FBXL13: variants seen among roughly 807,000 people sequenced by gnomAD.
The protein encoded by FBXL13 is F-box and leucine rich repeat protein 13, also known as F-box and leucine-rich repeat protein 13.
Under a neutral mutation model 83.6 loss-of-function variants are expected in FBXL13, and 67 were observed. The observed-to-expected ratio is 0.80, with a 90% confidence interval of 0.66 to 0.98. The LOEUF (loss-of-function observed/expected upper bound fraction) is 0.98. Ranked by LOEUF, FBXL13 falls within the 50% of genes least tolerant of loss-of-function variation. The probability of loss-of-function intolerance (pLI) is 0.00; values close to 1 mark genes in which losing one functional copy is unlikely to be tolerated. For synonymous variants in FBXL13, 272 were observed against 299.5 expected (o/e 0.91, Z 0.95); for missense variants, 822 against 866.5 (o/e 0.95, Z 0.64).
rs78531890 is a variant in FBXL13, at chr7:102,951,138, G to C, written c.724+12395C>G. On this transcript the variant is annotated intron_variant, in intron 8 of 19. Coordinates refer to ENST00000313221, the Ensembl canonical transcript of FBXL13. ...TATATAGGAAATCTCTATACCTTCTGCTCAATTTTGCGAGAACCTGAAATT... is the reference window on the plus strand; with the variant it reads ...TATATAGGAAATCTCTATACCTTCTCCTCAATTTTGCGAGAACCTGAAATT... 3.7e-3 allele frequency among the ~76,000 whole-genome samples: 569 copies of C among 152,154 alleles called. 5 individuals carry two copies. Among genetic ancestry groups the C allele is most frequent in the African/African-American group, 0.014 (562 of 41,504 alleles).
chr7:102,979,200 A>C (rs1827882207), intron 6 of FBXL13, among the ~76,000 whole-genome samples: 1 of 152,182 alleles, frequency 6.6e-6, no homozygotes, highest in Admixed American at 6.5e-5. Context: ...AAATGGTCAC[A>C]GCCTGGATTA....
At chr7:102,957,508 T>C (rs922417483) in intron 8 of FBXL13, among the ~76,000 whole-genome samples, 1 of 151,986 alleles carries the variant, frequency 6.6e-6, no homozygotes, top group Non-Finnish European at 1.5e-5. Context: ...CCAAAAGCAA[T>C]GGCAACAAAA....
In FBXL13 at chr7:102,822,212, A is replaced by C; in HGVS notation, c.1855-9T>G. The C allele has an allele frequency of 6.2e-7, 1 of 1,613,796 alleles. No homozygotes were observed. The highest frequency in any genetic ancestry group is 8.5e-7 in the Non-Finnish European group (1 of 1,179,812). On this transcript the variant is annotated splice_polypyrimidine_tract_variant and intron_variant, in intron 18 of 19. Coordinates refer to ENST00000313221, the Ensembl canonical transcript of FBXL13. ...ATTGCTGAGTCAGTAATCTGAACAC[A>C]GAGCCAAAGTAAGTACTGGTTATTC...
At chr7:103,002,679 A>G (rs1242664954) in intron 6 of FBXL13, among the ~76,000 whole-genome samples, 2 of 152,350 alleles carry the variant, frequency 1.3e-5, no homozygotes, top group African/African-American at 4.8e-5. Context: ...TGTTGAATGT[A>G]GTATTCTCAT....
intron 8 of FBXL13, among the ~76,000 whole-genome samples, chr7:102,955,321 A>C (rs563197159): frequency 2.6e-5 from 4 of 152,182 alleles, no homozygotes; most frequent in Non-Finnish European, 4.4e-5. Context: ...GAAGGCAGAA[A>C]TAAACATGTT....
intron 8 of FBXL13, among the ~76,000 whole-genome samples, chr7:102,963,331 A>T (rs1040005845): frequency 2.0e-5 from 3 of 151,956 alleles, no homozygotes; most frequent in Non-Finnish European, 2.9e-5. Context: ...AAAAAAAAAA[A>T]AGAATAGACA....
rs1010751358 is a variant in FBXL13, at chr7:102,831,692, AT to A, written c.1854+1147del. ...GCTTGAAGATTGTGGTGTAAATCAG[AT>A]TTTTTTTTCCAGCTTTCTCTACTGT... is the stretch of plus-strand genomic sequence containing the variant. On this transcript the variant is annotated intron_variant, in intron 18 of 19. Coordinates refer to ENST00000313221, the Ensembl canonical transcript of FBXL13. 4.9e-4 allele frequency among the ~76,000 whole-genome samples: 74 copies of A among 151,694 alleles called. 1 individual carries two copies. The highest frequency in any genetic ancestry group is 1.1e-3 in the African/African-American group (45 of 41,372).
At chr7:103,049,110 C>G (rs1430784970) in intron 2 of FBXL13, among the ~76,000 whole-genome samples, 3 of 151,960 alleles carry the variant, frequency 2.0e-5, no homozygotes, top group Non-Finnish European at 4.4e-5. Context: ...AGTCATTTTA[C>G]TTTAGGACAA....
intron 6 of FBXL13, among the ~76,000 whole-genome samples, chr7:102,985,336 C>T (rs915742473): frequency 6.6e-6 from 1 of 152,238 alleles, no homozygotes; most frequent in African/African-American, 2.4e-5. Context: ...CCAGAACCCA[C>T]ACCACCCTGG....
intron 1 of FBXL13, among the ~76,000 whole-genome samples, chr7:103,060,018 TTTTATA>T (rs1264728132): frequency 2.7e-4 from 16 of 58,354 alleles, no homozygotes; most frequent in African/African-American, 6.7e-4. Context: ...TAGCAAGATA[TTTTATA>T]TATATATATA....
intron 18 of FBXL13, among the ~76,000 whole-genome samples, chr7:102,825,928 C>T (rs995610957): frequency 5.3e-5 from 8 of 152,110 alleles, no homozygotes; most frequent in African/African-American, 1.7e-4. Flanking sequence ...AATGGTTACC[C>T]GAGATTGCCA....
At chr7:102,946,121 A>G (rs928503722) in intron 8 of FBXL13, among the ~76,000 whole-genome samples, 2 of 152,154 alleles carry the variant, frequency 1.3e-5, no homozygotes, top group Admixed American at 1.3e-4. Flanking sequence ...ACTTCAAGTG[A>G]TCCACCCACC....
chr7:103,045,359 G>A (rs1278531927), intron 2 of FBXL13, among the ~76,000 whole-genome samples: 2 of 152,140 alleles, frequency 1.3e-5, no homozygotes, highest in Non-Finnish European at 2.9e-5. Flanking sequence ...ATAGAAACAG[G>A]GAATCCTTCT....
At chr7:102,814,595 A>G (rs1797740612) in intron 19 of FBXL13, among the ~76,000 whole-genome samples, 1 of 152,244 alleles carries the variant, frequency 6.6e-6, no homozygotes, top group African/African-American at 2.4e-5. Flanking sequence ...CTCTAAGCAC[A>G]TTGCTTTTTA....
At chr7:102,848,585 AAAAAAAAAAAAAAAAAAT>A in intron 17 of FBXL13, among the ~76,000 whole-genome samples, 1 of 44,476 alleles carries the variant, frequency 2.2e-5, no homozygotes, top group Non-Finnish European at 3.7e-5. Flanking sequence ...AAAAAAAAAA[AAAAAAAAAAAAAAAAAAT>A]ACACATTCGT....
intron 8 of FBXL13, among the ~76,000 whole-genome samples, chr7:102,950,633 A>G (rs1351075704): frequency 6.6e-6 from 1 of 152,220 alleles, no homozygotes; most frequent in Non-Finnish European, 1.5e-5. Context: ...AGGTGAATTA[A>G]TAAACTGTGG....
chr7:103,059,579 C>G (rs552586043), intron 1 of FBXL13, among the ~76,000 whole-genome samples: 1 of 152,264 alleles, frequency 6.6e-6, no homozygotes, highest in South Asian at 2.1e-4. Flanking sequence ...CTTACACAAT[C>G]AAGGACAAAA....
intron 9 of FBXL13, among the ~76,000 whole-genome samples, chr7:102,929,663 C>CAAAA (rs35025022): frequency 3.3e-5 from 3 of 91,418 alleles, no homozygotes; most frequent in Admixed American, 1.4e-4. Flanking sequence ...GACTCCATCT[C>CAAAA]AAAAAAAAAA....
chr7:102,926,510 A>G lies in FBXL13; in HGVS notation c.778-136T>C, dbSNP rs74575783. 1.1e-3 allele frequency: 722 copies of G among 629,376 alleles called. 5 individuals are homozygous for G. In the African/African-American group the frequency reaches 0.013, roughly 11 times the overall value. The allele number at this position is 629,376 out of a possible 1,614,324, so 39.0% of individuals were successfully genotyped here. On this transcript the variant is annotated intron_variant, in intron 9 of 19. Coordinates refer to ENST00000313221, the Ensembl canonical transcript of FBXL13. ...GTTGGTTTCTTCATATTCTTTATCTACTATTAGGTTGAAATGAAATTAAAT... is the reference window on the plus strand; with the variant it reads ...GTTGGTTTCTTCATATTCTTTATCTGCTATTAGGTTGAAATGAAATTAAAT...
Sources: gnomAD v4.1 joint callset for allele counts (sites outside exome capture counted in the v4.1 genomes callset) on GRCh38, gnomAD v4.1.1 for gene constraint, MANE v1.5 for transcripts, NCBI Gene and HGNC (gene_info 2026-07-23, HGNC 2026-07-21) for gene names.